The following DOP1A variants were observed in gnomAD, a reference collection of about 807,000 sequenced individuals.
DOP1A encodes protein DOP1A.
Under a neutral mutation model 267.6 loss-of-function variants are expected in DOP1A, and 90 were observed. That is an observed-to-expected ratio of 0.34 (90% CI 0.28 to 0.40). The LOEUF (loss-of-function observed/expected upper bound fraction) is 0.40. Among genes scored for constraint, DOP1A ranks in the 10% least tolerant of loss-of-function variants. The pLI, the probability that DOP1A is intolerant of heterozygous loss-of-function variation, is 1.00. For missense variants in DOP1A, 2,437 were observed against 2,900.4 expected (o/e 0.84, Z 3.67); for synonymous variants, 932 against 999.1 (o/e 0.93, Z 1.27).
At chr6:83,108,453 C>A (rs751542204) in intron 4 of DOP1A, among the ~76,000 whole-genome samples, 3 of 152,214 alleles carry the variant, frequency 2.0e-5, no homozygotes, top group African/African-American at 7.2e-5. Context: ...GCTTGGATTA[C>A]AGGCATGAGC....
Position 83,168,176 on chromosome 6 carries a change from G to C in DOP1A, c.*9G>C, listed in dbSNP as rs1222655968. ...GGATGATAAAAACTTGAGCACCATT[G>C]CTGGTTCCATTTAGCTTACATGTAA... On this transcript the variant is annotated 3_prime_UTR_variant, in exon 39 of 39. Coordinates refer to ENST00000349129, the MANE Select transcript of DOP1A (RefSeq NM_015018.4). 1.9e-6 allele frequency: 3 copies of C among 1,606,752 alleles called. No homozygotes were observed. The highest frequency in any genetic ancestry group is 8.5e-7 in the Non-Finnish European group (1 of 1,177,268).
intron 15 of DOP1A, among the ~76,000 whole-genome samples, chr6:83,127,322 T>C (rs6454316): frequency 0.044 from 6,762 of 152,252 alleles, 375 homozygotes; most frequent in African/African-American, 0.13. Context: ...TACCCAGGAA[T>C]GAACAAGGAC....
intron 10 of DOP1A, 27 bp from the exon 11 acceptor site, chr6:83,121,901 ACT>A (rs1348644264): frequency 6.3e-7 from 1 of 1,585,922 alleles, no homozygotes; most frequent in Non-Finnish European, 8.6e-7. Flanking sequence ...CTGATTAATT[ACT>A]GTCTTTAATT....
intron 1 of DOP1A, among the ~76,000 whole-genome samples, chr6:83,089,322 G>C (rs566873868): frequency 6.6e-6 from 1 of 152,094 alleles, no homozygotes; most frequent in Non-Finnish European, 1.5e-5. Flanking sequence ...AGCTTTTTAT[G>C]CTATAAAGTG....
intron 1 of DOP1A, among the ~76,000 whole-genome samples, chr6:83,088,787 CTAAA>C (rs1582888948): frequency 6.6e-6 from 1 of 152,124 alleles, no homozygotes; most frequent in African/African-American, 2.4e-5. Flanking sequence ...TATGAATTGA[CTAAA>C]TAAATGATTC....
At chr6:83,125,278 C>A in intron 14 of DOP1A, 83 bp downstream of exon 14, 1 of 1,360,732 alleles carries the variant, frequency 7.3e-7, no homozygotes. Context: ...GCAGATAAAA[C>A]TGGGGTTATT....
chr6:83,074,299 A>T (rs1265422283), intron 1 of DOP1A, among the ~76,000 whole-genome samples: 1 of 151,994 alleles, frequency 6.6e-6, no homozygotes, highest in African/African-American at 2.4e-5. Flanking sequence ...TTATTTATTT[A>T]TTTATTTATT....
At chr6:83,112,303 A>G (rs887354635) in intron 6 of DOP1A, among the ~76,000 whole-genome samples, 2 of 152,072 alleles carry the variant, frequency 1.3e-5, no homozygotes, top group African/African-American at 4.8e-5. Flanking sequence ...CAACATTGTA[A>G]TAAAGAAATA....
At chr6:83,085,536 A>G (rs1768978013) in intron 1 of DOP1A, among the ~76,000 whole-genome samples, 1 of 152,196 alleles carries the variant, frequency 6.6e-6, no homozygotes, top group African/African-American at 2.4e-5. Flanking sequence ...CATAGAGTTG[A>G]CCAAAGAGAT....
chr6:83,145,004 G>A (rs1006595390), intron 24 of DOP1A, among the ~76,000 whole-genome samples: 8 of 145,880 alleles, frequency 5.5e-5, no homozygotes, highest in Non-Finnish European at 1.2e-4. Context: ...TCAGGAGGCT[G>A]AAGCAAGAGG....
At chr6:83,146,354 A>G (rs1780649427) in intron 25 of DOP1A, among the ~76,000 whole-genome samples, 1 of 152,220 alleles carries the variant, frequency 6.6e-6, no homozygotes, top group Non-Finnish European at 1.5e-5. Context: ...GAATTATGAT[A>G]TATATCTGAA....
intron 27 of DOP1A, among the ~76,000 whole-genome samples, chr6:83,149,348 G>A (rs1781156649): frequency 6.6e-6 from 1 of 152,170 alleles, no homozygotes; most frequent in Non-Finnish European, 1.5e-5. Flanking sequence ...GTCATAGTCA[G>A]TCTCTCTTTC....
Position 83,138,019 on chromosome 6 carries a change from G to T in DOP1A, c.3977G>T (p.Ser1326Ile). Residue 1326 changes from serine to isoleucine, a missense_variant, in exon 21 of 39, where the codon AGT (serine) becomes ATT (isoleucine). By Grantham distance (142) the Ser-to-Ile change is moderately radical. Coordinates refer to ENST00000349129, the MANE Select transcript of DOP1A (RefSeq NM_015018.4). ...EKLKQTSVFF[S>I]DGLDLENWYS... is the part of the protein sequence containing the mutation. ...CTCAAACAAACCAGTGTATTCTTCA[G>T]TGATGGTCTGGATTTAGAGAACTGG... The T allele has an allele frequency of 6.2e-7, 1 of 1,609,902 alleles. No homozygotes were observed. The highest frequency in any genetic ancestry group is 8.5e-7 in the Non-Finnish European group (1 of 1,178,500).
In DOP1A at chr6:83,129,474, T is replaced by A; in HGVS notation, c.2307T>A (p.His769Gln). The A allele has an allele frequency of 1.9e-6, 3 of 1,553,784 alleles. No homozygotes were observed. Among genetic ancestry groups the A allele is most frequent in the Non-Finnish European group, 2.6e-6 (3 of 1,158,650 alleles). The change falls in exon 16 of 39, where the codon CAT becomes CAA. Residue 769 changes from histidine (H) to glutamine (Q), a missense_variant. Physicochemically the swap from His to Gln is conservative, Grantham distance 24. Coordinates refer to ENST00000349129, the MANE Select transcript of DOP1A (RefSeq NM_015018.4). ...CAGTTTACATTGCTGAGGGGAACCA[T>A]ACATCAGAGTTACGTTCTGAAAAAT... is the stretch of plus-strand genomic sequence containing the variant. ...SFPVYIAEGN[H>Q]TSELRSEKLE...
At chr6:83,088,419 CTT>C (rs746293399) in intron 1 of DOP1A, among the ~76,000 whole-genome samples, 49 of 115,562 alleles carry the variant, frequency 4.2e-4, no homozygotes, top group African/African-American at 1.2e-3. Context: ...TGTCTTCCAT[CTT>C]TTTTTTTTTT....
chr6:83,159,747 C>G, intron 36 of DOP1A, 49 bp from the exon 37 acceptor site: 1 of 1,604,058 alleles, frequency 6.2e-7, no homozygotes, highest in East Asian at 2.2e-5. Flanking sequence ...CCAGGAATTC[C>G]TGTGAGTAAA....
chr6:83,136,501 G>A (rs1224464480), intron 20 of DOP1A, among the ~76,000 whole-genome samples: 2 of 152,198 alleles, frequency 1.3e-5, no homozygotes, highest in East Asian at 3.9e-4. Context: ...TGGTGGTAAT[G>A]AAAAGATCAT....
chr6:83,138,996 T>C lies in DOP1A; in HGVS notation c.4954T>C (p.Cys1652Arg). 6.2e-7 allele frequency: 1 copy of C among 1,614,148 alleles called. No individual in the cohort carries two copies. The change falls in exon 21 of 39, where the codon TGT becomes CGT. Residue 1652 changes from cysteine to arginine, a missense_variant. This residue lies in a region of DOP1A where 307 missense variants were observed against 308.6 expected (regional missense o/e 0.99). Transcript: ENST00000349129. ...CAVIRALHQH[C>R]ACKMHPQWIG... The stretch of plus-strand genomic sequence containing the variant: ...AGTGATACGAGCTTTGCATCAGCAC[T>C]GTGCATGTAAGATGCACCCACAATG...
chr6:83,129,758 A>C (rs1777737755), intron 16 of DOP1A, among the ~76,000 whole-genome samples: 2 of 152,160 alleles, frequency 1.3e-5, no homozygotes, highest in Non-Finnish European at 2.9e-5. Context: ...TCTGGAGAAA[A>C]GTAGCAGTAG....
Sources: allele counts gnomAD v4.1 joint callset (sites outside exome capture counted in the v4.1 genomes callset), GRCh38; gene constraint gnomAD v4.1.1; regional missense constraint gnomAD v4.1.1; transcripts MANE v1.5; gene names NCBI Gene and HGNC (gene_info 2026-07-23, HGNC 2026-07-21).